Variants in COL12A1 observed in about 807,000 individuals in gnomAD.
COL12A1 encodes collagen type XII alpha 1 chain, also known as collagen alpha-1(XII) chain.
Under a neutral mutation model 349.7 loss-of-function variants are expected in COL12A1, and 114 were observed. The observed-to-expected ratio is 0.33, with a 90% confidence interval of 0.28 to 0.38. The LOEUF is 0.38. COL12A1 is among the 10% of genes least tolerant of loss of function. COL12A1 has a pLI of 1.00. For missense variants in COL12A1, 3,284 were observed against 3,756.9 expected (o/e 0.87, Z 3.29); for synonymous variants, 1,369 against 1,329.0 (o/e 1.03, Z -0.66).
At chr6:75,143,958 C>T (rs9447452) in intron 25 of COL12A1, among the ~76,000 whole-genome samples, 1 of 152,034 alleles carries the variant, frequency 6.6e-6, no homozygotes, top group East Asian at 1.9e-4. Flanking sequence ...AAGGAGGATA[C>T]GGAATGAGGA....
chr6:75,132,090 A>T lies in COL12A1; in HGVS notation c.5795-8T>A. The T allele has an allele frequency of 1.1e-5, 17 of 1,612,978 alleles. No homozygotes were observed. Among genetic ancestry groups the T allele is most frequent in the Non-Finnish European group, 1.4e-5 (17 of 1,179,504 alleles). ...TTGCCAGTCCTCTCATCACTGAGGAAATGAAGGCCAACATCTATTTTTTAA... is the reference window on the plus strand; with the variant it reads ...TTGCCAGTCCTCTCATCACTGAGGATATGAAGGCCAACATCTATTTTTTAA... On this transcript the variant is annotated splice_polypyrimidine_tract_variant and splice_region_variant and intron_variant, in intron 34 of 65. Transcript: ENST00000322507.
At chr6:75,106,356 C>A in intron 53 of COL12A1, 63 bp downstream of exon 53, 7 of 1,379,724 alleles carry the variant, frequency 5.1e-6, no homozygotes, top group African/African-American at 1.4e-5. Flanking sequence ...CTCTCCCAGG[C>A]ACAAGGGTTT....
chr6:75,154,956 A>C (rs547614417), intron 16 of COL12A1, among the ~76,000 whole-genome samples: 1 of 152,334 alleles, frequency 6.6e-6, no homozygotes, highest in South Asian at 2.1e-4. Context: ...TGCCTGACAC[A>C]TAGTAAGCTC....
At chr6:75,130,662 G>T (rs993713487) in intron 36 of COL12A1, among the ~76,000 whole-genome samples, 190 bp downstream of exon 36, 1 of 152,032 alleles carries the variant, frequency 6.6e-6, no homozygotes, top group Non-Finnish European at 1.5e-5. Flanking sequence ...ATGAGAACAC[G>T]AACAGAAGAA....
chr6:75,125,367 G>T, intron 39 of COL12A1, 94 bp from the exon 40 acceptor site: 1 of 1,203,166 alleles, frequency 8.3e-7, no homozygotes, highest in Non-Finnish European at 1.1e-6. Flanking sequence ...AGGGTATTAT[G>T]AACACGATTA....
At chr6:75,125,106 A>G (rs758814404) in intron 40 of COL12A1, 21 bp downstream of exon 40, 3 of 1,561,764 alleles carry the variant, frequency 1.9e-6, no homozygotes, top group Non-Finnish European at 2.6e-6. Flanking sequence ...TCTCACAACC[A>G]TGAAAATATC....
intron 14 of COL12A1, 39 bp downstream of exon 14, chr6:75,165,468 C>T: frequency 1.3e-6 from 2 of 1,598,902 alleles, no homozygotes; most frequent in Non-Finnish European, 1.7e-6. Context: ...TATTGGGTAG[C>T]ACCGGCACAC....
In COL12A1 at chr6:75,153,064, C is replaced by T. The variant is rs758752133; in HGVS notation, c.3566-582G>A. 1.2e-4 allele frequency among the ~76,000 whole-genome samples: 19 copies of T among 152,100 alleles called. 1 individual carries two copies. Among genetic ancestry groups the T allele is most frequent in the Admixed American group, 1.1e-3 (17 of 15,248 alleles). ...TATATATGAAGGATTAGACACATAA[C>T]TTTTAAAATTATACCTTTTTGAGGT... On this transcript the variant is annotated intron_variant, in intron 17 of 65. Coordinates refer to ENST00000322507, the MANE Select transcript of COL12A1 (RefSeq NM_004370.6).
chr6:75,142,156 C>G lies in COL12A1; in HGVS notation c.4833G>C (p.Glu1611Asp), dbSNP rs369793258. ...KTPEEDVKEV[E>D]VDRSETSTSL... is the part of the protein sequence containing the mutation. The stretch of plus-strand genomic sequence containing the variant: ...AAGTGCTGGTCTCTGATCTGTCCAC[C>G]TCTACCTATAACAGTAACAGAGCAG... The change falls in exon 27 of 66, where the codon GAG (glutamate) becomes GAC (aspartate). Residue 1611 changes from glutamate (E) to aspartate (D), a missense_variant. Around this residue, in one of 2 missense-constraint regions of COL12A1, gnomAD observed 2,601 missense variants for 2,824.8 expected, o/e 0.92. Transcript: ENST00000322507. 1 of 1,614,094 alleles carries G rather than the reference C, an allele frequency of 6.2e-7. No homozygotes were observed. Among genetic ancestry groups the G allele is most frequent in the Non-Finnish European group, 8.5e-7 (1 of 1,179,942 alleles).
chr6:75,138,360 G>T lies in COL12A1; in HGVS notation c.5231-20C>A, dbSNP rs1766726700. ...TAGGCACTAAAAGAAAACAGAATTT[G>T]GGAACACATTACTAATATAGCTGTA... is the stretch of plus-strand genomic sequence containing the variant. On this transcript the variant is annotated intron_variant, in intron 29 of 65. Transcript: ENST00000322507. 1 of 1,610,482 alleles carries T rather than the reference G, an allele frequency of 6.2e-7. No homozygotes were observed. The highest frequency in any genetic ancestry group is 1.1e-5 in the South Asian group (1 of 89,696).
At position 75,125,373 on chromosome 6, in the gene COL12A1, G is replaced by T. The variant is rs577654323; in HGVS notation, c.6461-100C>A. On this transcript the variant is annotated intron_variant, in intron 39 of 65. Coordinates refer to ENST00000322507, the MANE Select transcript of COL12A1 (RefSeq NM_004370.6). ...TATAGTCAAAGGGTATTATGAACAC[G>T]ATTAATTCCATAGTCCTCATACACT... 9.7e-6 allele frequency: 11 copies of T among 1,129,418 alleles called. No homozygotes were observed. The African/African-American group carries it at 1.3e-4, about 13-fold the overall frequency. The allele number at this position is 1,129,418 out of a possible 1,614,324, so 70.0% of individuals were successfully genotyped here. A position where few individuals can be genotyped will look rare whatever the true frequency, so the allele number is the denominator to read the frequency against.
Position 75,130,974 on chromosome 6 carries a change from A to G in COL12A1, c.5945T>C (p.Val1982Ala), listed in dbSNP as rs774071422. 4 of 1,614,028 alleles carry G rather than the reference A, an allele frequency of 2.5e-6. No homozygotes were observed. In the African/African-American group the frequency reaches 4.0e-5, roughly 16 times the overall value. The change falls in exon 36 of 66, where the codon GTG (valine) becomes GCG (alanine). Residue 1982 changes from valine to alanine, a missense_variant. Val to Ala is a moderately conservative substitution (Grantham distance 64). Transcript: ENST00000322507. ...ATGCACCATGCGCGTGTTTCCTGGC[A>G]CTACTATCTGCAGGAGAGGAAATGC... ...DGTRPSESIV[V>A]PGNTRMVHLE... is the part of the protein sequence containing the mutation.
chr6:75,165,717 A>C lies in COL12A1; in HGVS notation c.2773T>G (p.Trp925Gly), dbSNP rs1562260240. 1 of 1,614,046 alleles carries C rather than the reference A, an allele frequency of 6.2e-7. No individual in the cohort carries two copies. Among genetic ancestry groups the C allele is most frequent in the Non-Finnish European group, 8.5e-7 (1 of 1,179,934 alleles). The change falls in exon 14 of 66, where the codon TGG (tryptophan) becomes GGG (glycine). Residue 925 changes from tryptophan to glycine, a missense_variant. Trp to Gly is a radical substitution (Grantham distance 184). Transcript: ENST00000322507. ...CGAACCATTCCTGGAGCAGATGTCC[A>C]ATAAGCCCCAATTGATGTGTCAGTG... ...DITDTSIGAY[W>G]TSAPGMVRGY...
chr6:75,100,979 T>C (rs990256434), intron 58 of COL12A1, among the ~76,000 whole-genome samples: 5 of 152,222 alleles, frequency 3.3e-5, no homozygotes, highest in Non-Finnish European at 7.3e-5. Flanking sequence ...TTCACATTAT[T>C]GATGAACAGA....
intron 64 of COL12A1, among the ~76,000 whole-genome samples, chr6:75,088,750 C>A (rs984488879): frequency 3.3e-5 from 5 of 151,826 alleles, no homozygotes; most frequent in African/African-American, 1.2e-4. Flanking sequence ...CTTCTGTAAT[C>A]CCAGCACTTT....
At chr6:75,098,968 G>A (rs549345818) in intron 58 of COL12A1, among the ~76,000 whole-genome samples, 14 of 152,252 alleles carry the variant, frequency 9.2e-5, no homozygotes, top group African/African-American at 3.4e-4. Flanking sequence ...GCAGATCTCT[G>A]AAATCCAGCC....
In COL12A1 at chr6:75,100,606, G is replaced by A. The variant is rs117882066; in HGVS notation, c.8523+994C>T. Among the ~76,000 whole-genome samples the A allele has an allele frequency of 4.0e-3, 608 of 152,072 alleles. 4 individuals carry two copies. Among genetic ancestry groups the A allele is most frequent in the Non-Finnish European group, 5.5e-3 (371 of 67,996 alleles). ...TTTGACCTCTCTCTTTTCTCTCCCC[G>A]AAACTCAAAAGGAGGCATGGGAACA... On this transcript the variant is annotated intron_variant, in intron 58 of 65. Transcript: ENST00000322507.
chr6:75,124,091 G>T lies in COL12A1; in HGVS notation c.6728C>A (p.Thr2243Lys), dbSNP rs746250737. 3 of 1,612,394 alleles carry T rather than the reference G, an allele frequency of 1.9e-6. No individual in the cohort carries two copies. Among genetic ancestry groups the T allele is most frequent in the East Asian group, 2.2e-5 (1 of 44,820 alleles). The change falls in exon 42 of 66, where the codon ACA becomes AAA. Residue 2243 changes from threonine (T) to lysine (K), a missense_variant. Physicochemically the swap from Thr to Lys is moderately conservative, Grantham distance 78. This residue lies in a region of COL12A1 where 2,601 missense variants were observed against 2,824.8 expected (regional missense o/e 0.92). Coordinates refer to ENST00000322507, the MANE Select transcript of COL12A1 (RefSeq NM_004370.6). The stretch of plus-strand genomic sequence containing the variant: ...ACGCACTGTAATTTCTTGTCCCCTT[G>T]TTCCTGATTATGACAACAAAGGAAA... The part of the protein sequence containing the change: ...YRLKLSPADG[T>K]RGQEITVRGS...
Position 75,151,153 on chromosome 6 carries a change from C to A in COL12A1, c.4135G>T (p.Val1379Phe). The A allele has an allele frequency of 6.5e-7, 1 of 1,550,054 alleles. No homozygotes were observed. Residue 1379 changes from valine to phenylalanine, a missense_variant, in exon 21 of 66, where the codon GTC becomes TTC. Val to Phe is a conservative substitution (Grantham distance 50, BLOSUM62 -1). This residue lies in a region of COL12A1 where 2,601 missense variants were observed against 2,824.8 expected (regional missense o/e 0.92). Coordinates refer to ENST00000322507, the MANE Select transcript of COL12A1 (RefSeq NM_004370.6). ...GGGTTAAACTTACCTGGACCTTTGA[C>A]ACTGTTACACAAATTAATGGTGAGA... is the stretch of plus-strand genomic sequence containing the variant. ...DDLTINLCNSVKGPGDLEAPS... is the reference protein window; with the variant it reads ...DDLTINLCNSFKGPGDLEAPS...
Sources: allele counts gnomAD v4.1 joint callset (sites outside exome capture counted in the v4.1 genomes callset), GRCh38; gene constraint gnomAD v4.1.1; regional missense constraint gnomAD v4.1.1; transcripts MANE v1.5; gene names NCBI Gene and HGNC (gene_info 2026-07-23, HGNC 2026-07-21).